The following CSMD1 variants were observed in gnomAD, a reference collection of about 807,000 sequenced individuals.
CSMD1 encodes CUB and sushi domain-containing protein 1.
CSMD1 carries 213 observed loss-of-function variants against 417.5 expected under a neutral mutation model. That is an observed-to-expected ratio of 0.51 (90% confidence interval 0.46 to 0.57). CSMD1 has a LOEUF of 0.57. CSMD1 is among the 20% of genes least tolerant of loss of function. The pLI, the probability that CSMD1 is intolerant of heterozygous loss-of-function variation, is 0.00. For missense variants in CSMD1, 6,923 were observed against 4,529.7 expected (o/e 1.53, Z -15.17); for synonymous variants, 2,862 against 1,736.8 (o/e 1.65, Z -16.11).
intron 37 of CSMD1, among the ~76,000 whole-genome samples, chr8:3,162,734 A>G (rs1819976570): frequency 6.6e-6 from 1 of 151,940 alleles, no homozygotes; most frequent in Non-Finnish European, 1.5e-5. Flanking sequence ...AAAAAAGAGA[A>G]AAAATATTTT....
chr8:4,276,484 C>G (rs911300738), intron 3 of CSMD1, among the ~76,000 whole-genome samples: 2 of 152,052 alleles, frequency 1.3e-5, no homozygotes, highest in African/African-American at 2.4e-5. Flanking sequence ...GGAGAAATAC[C>G]TAATACAGAT....
At chr8:3,116,493 G>T (rs1232886784) in intron 42 of CSMD1, among the ~76,000 whole-genome samples, 1 of 152,108 alleles carries the variant, frequency 6.6e-6, no homozygotes, top group Non-Finnish European at 1.5e-5. Flanking sequence ...TTCTTCTAAT[G>T]GAGAATGAAG....
At chr8:3,354,763 T>C (rs560854042) in intron 21 of CSMD1, among the ~76,000 whole-genome samples, 2 of 147,562 alleles carry the variant, frequency 1.4e-5, no homozygotes, top group South Asian at 4.3e-4. Context: ...CTACATAGAA[T>C]TATATACAGT....
chr8:4,983,092 A>C (rs181645181), intron 1 of CSMD1, among the ~76,000 whole-genome samples: 2 of 152,246 alleles, frequency 1.3e-5, no homozygotes, highest in South Asian at 4.1e-4. Flanking sequence ...TAACTTACTC[A>C]GTATACAAAG....
chr8:4,146,629 T>TTTTTTTA (rs1804150276), intron 3 of CSMD1, among the ~76,000 whole-genome samples: 1 of 92,188 alleles, frequency 1.1e-5, no homozygotes, highest in Non-Finnish European at 1.9e-5. Context: ...TTTTTTTTTT[T>TTTTTTTA]GAGACAGAGT....
chr8:4,084,841 T>C (rs546926914), intron 3 of CSMD1, among the ~76,000 whole-genome samples: 3 of 151,506 alleles, frequency 2.0e-5, no homozygotes, highest in Non-Finnish European at 4.4e-5. Flanking sequence ...TGTTCCATCT[T>C]GAAGAAGAAT....
At chr8:4,930,383 G>C (rs913890755) in intron 1 of CSMD1, among the ~76,000 whole-genome samples, 1 of 151,924 alleles carries the variant, frequency 6.6e-6, no homozygotes, top group Admixed American at 6.6e-5. Context: ...ACACACACAC[G>C]CATATATATA....
intron 3 of CSMD1, among the ~76,000 whole-genome samples, chr8:4,160,879 A>T (rs1020352826): frequency 6.6e-6 from 1 of 152,230 alleles, no homozygotes; most frequent in Non-Finnish European, 1.5e-5. Context: ...TCTAAAAAGG[A>T]CATACTGCTG....
intron 3 of CSMD1, among the ~76,000 whole-genome samples, chr8:4,355,321 A>ACG (rs1427323034): frequency 6.0e-5 from 8 of 132,610 alleles, no homozygotes; most frequent in Non-Finnish European, 1.2e-4. Flanking sequence ...ACACACACAC[A>ACG]CACGCACACA....
rs183336052 is a variant in CSMD1 at position 3,226,891 on chromosome 8, C to G, written c.4346-3024G>C. 4.3e-3 allele frequency among the ~76,000 whole-genome samples: 659 copies of G among 151,692 alleles called. 2 individuals carry two copies. The highest frequency in any genetic ancestry group is 0.013 in the South Asian group (61 of 4,790). On this transcript the variant is annotated intron_variant, in intron 27 of 69. Coordinates refer to ENST00000635120, the MANE Select transcript of CSMD1 (RefSeq NM_033225.6). ...AATAAAAAGTAAAAAAGTAAATTAG[C>G]TGATCAATCAGGAAAGAACAAATTC...
intron 54 of CSMD1, among the ~76,000 whole-genome samples, chr8:2,994,398 T>C (rs1246622608): frequency 6.6e-6 from 1 of 152,130 alleles, no homozygotes; most frequent in Non-Finnish European, 1.5e-5. Context: ...AGTGTGCACC[T>C]GCTGTTGTTG....
intron 5 of CSMD1, among the ~76,000 whole-genome samples, chr8:3,935,819 A>T (rs1482611075): frequency 6.6e-6 from 1 of 152,156 alleles, no homozygotes; most frequent in Non-Finnish European, 1.5e-5. Flanking sequence ...AAGTGAAAGG[A>T]AGAGTCACAT....
chr8:4,788,769 T>A (rs1033293817), intron 1 of CSMD1, among the ~76,000 whole-genome samples: 1 of 151,774 alleles, frequency 6.6e-6, no homozygotes, highest in African/African-American at 2.4e-5. Context: ...TAAAAAAAAA[T>A]AAAGGGAAAC....
chr8:4,440,326 C>G (rs1475142149), intron 2 of CSMD1, among the ~76,000 whole-genome samples: 1 of 152,124 alleles, frequency 6.6e-6, no homozygotes, highest in Non-Finnish European at 1.5e-5. Context: ...AGTCTATTAA[C>G]TGGGAAGCAT....
chr8:3,951,216 G>A (rs1446710615), intron 5 of CSMD1, among the ~76,000 whole-genome samples: 2 of 152,146 alleles, frequency 1.3e-5, no homozygotes, highest in Non-Finnish European at 2.9e-5. Flanking sequence ...TAGTTTGTGG[G>A]GACTGCACAG....
At chr8:3,963,097 A>C (rs1812437511) in intron 5 of CSMD1, among the ~76,000 whole-genome samples, 2 of 152,082 alleles carry the variant, frequency 1.3e-5, no homozygotes, top group Non-Finnish European at 2.9e-5. Context: ...CGTCTGGCTA[A>C]TTTTTGTGTT....
At chr8:4,179,889 C>T (rs1357289354) in intron 3 of CSMD1, among the ~76,000 whole-genome samples, 2 of 152,134 alleles carry the variant, frequency 1.3e-5, no homozygotes, top group African/African-American at 2.4e-5. Context: ...TACCATCTCA[C>T]ACCAGTTAGA....
intron 41 of CSMD1, chr8:3,128,930 C>A (rs191966918): frequency 1.7e-4 from 74 of 435,772 alleles, no homozygotes; most frequent in Admixed American, 1.3e-3. Flanking sequence ...GAAAGCAGAT[C>A]TAAGGGTATC....
intron 5 of CSMD1, among the ~76,000 whole-genome samples, chr8:3,885,857 A>G (rs1392908313): frequency 4.6e-5 from 7 of 152,172 alleles, no homozygotes; most frequent in Non-Finnish European, 8.8e-5. Flanking sequence ...TGTGAACAAA[A>G]CAATTTGCTC....
Sources: gnomAD v4.1 joint callset for allele counts (sites outside exome capture counted in the v4.1 genomes callset) on GRCh38, gnomAD v4.1.1 for gene constraint, MANE v1.5 for transcripts, NCBI Gene and HGNC (gene_info 2026-07-23, HGNC 2026-07-21) for gene names.